Variants in CROT observed in about 807,000 individuals in gnomAD.
CROT encodes carnitine O-octanoyltransferase.
In CROT, 84 loss-of-function variants were observed where a neutral mutation model predicts 89.2. The observed-to-expected ratio is 0.94, with a 90% CI of 0.79 to 1.13. The LOEUF is 1.13. CROT is among the 50% of genes most tolerant of loss of function. CROT has a pLI of 0.00. For synonymous variants in CROT, 212 were observed against 239.5 expected, an observed-to-expected ratio of 0.89 and a Z score of 1.06; for missense variants, 711 against 727.8, an observed-to-expected ratio of 0.98 and a Z score of 0.27.
chr7:87,356,051 G>C (rs1806056630), intron 3 of CROT, among the ~76,000 whole-genome samples: 2 of 152,130 alleles, frequency 1.3e-5, no homozygotes, highest in Admixed American at 1.3e-4. Flanking sequence ...TGTAGTCACA[G>C]GTCACTGCAG....
chr7:87,347,949 TG>T (rs1405331884), intron 2 of CROT, among the ~76,000 whole-genome samples: 1 of 152,092 alleles, frequency 6.6e-6, no homozygotes, highest in African/African-American at 2.4e-5. Context: ...AAGATAAAAC[TG>T]GGGGCTGTAT....
chr7:87,363,654 G>A (rs6962588), intron 6 of CROT, among the ~76,000 whole-genome samples: 2,121 of 152,246 alleles, frequency 0.014, 47 homozygotes, highest in African/African-American at 0.048. Context: ...TTTGGCTTGC[G>A]TTTAAAATGT....
At chr7:87,375,749 C>A (rs374437685) in intron 8 of CROT, 24 bp downstream of exon 8, 1 of 1,611,840 alleles carries the variant, frequency 6.2e-7, no homozygotes, top group Admixed American at 1.7e-5. Flanking sequence ...CTTTTCTTAA[C>A]GAAGCTTTTC....
intron 6 of CROT, among the ~76,000 whole-genome samples, chr7:87,362,735 T>C (rs1374261749): frequency 1.3e-5 from 2 of 152,184 alleles, no homozygotes; most frequent in African/African-American, 4.8e-5. Context: ...AACTGTTTTT[T>C]TCACAGTTTA....
intron 13 of CROT, among the ~76,000 whole-genome samples, chr7:87,384,123 G>C (rs569999461): frequency 8.5e-5 from 13 of 152,250 alleles, no homozygotes; most frequent in African/African-American, 3.1e-4. Context: ...TTTTTAACTA[G>C]GGTGAGGTGA....
At chr7:87,351,260 G>A (rs930652743) in intron 3 of CROT, among the ~76,000 whole-genome samples, 6 of 132,618 alleles carry the variant, frequency 4.5e-5, no homozygotes, top group East Asian at 2.3e-4. Context: ...AGTGAGCCAC[G>A]ATTGTGCCAT....
intron 1 of CROT, among the ~76,000 whole-genome samples, 153 bp downstream of exon 1, chr7:87,345,920 G>A (rs80028401): frequency 0.016 from 2,420 of 152,290 alleles, 69 homozygotes; most frequent in African/African-American, 0.053. Flanking sequence ...GTACCCTCAA[G>A]GTTGGGCCGC....
intron 13 of CROT, among the ~76,000 whole-genome samples, chr7:87,386,071 A>ATT (rs1807173659): frequency 6.6e-6 from 1 of 152,078 alleles, no homozygotes; most frequent in Admixed American, 6.6e-5. Context: ...GTTTGCTAGT[A>ATT]TTTTGTTGAG....
intron 13 of CROT, 134 bp downstream of exon 13, chr7:87,382,677 TC>T: frequency 1.2e-6 from 1 of 815,992 alleles, no homozygotes; most frequent in Non-Finnish European, 1.9e-6. Context: ...TATTTGTACT[TC>T]CATCAATAGA....
intron 13 of CROT, among the ~76,000 whole-genome samples, chr7:87,383,323 A>G (rs761627183): frequency 1.3e-5 from 2 of 151,756 alleles, no homozygotes; most frequent in African/African-American, 2.4e-5. Context: ...CACGAGATCA[A>G]TTTTTTTTAA....
chr7:87,359,160 G>T, intron 3 of CROT, 46 bp from the exon 4 acceptor site: 3 of 1,255,924 alleles, frequency 2.4e-6, no homozygotes, highest in Non-Finnish European at 3.5e-6. Context: ...GAGGTGAGTT[G>T]GTGGTACTTG....
In CROT at chr7:87,349,545, G is replaced by GAATACATCA. The variant is rs143282974; in HGVS notation, c.115+365_115+373dup. Among the ~76,000 whole-genome samples the GAATACATCA allele has an allele frequency of 1.9e-3, 285 of 152,258 alleles. 9 individuals carry two copies. In the East Asian group the frequency reaches 0.046, roughly 25 times the overall value. On this transcript the variant is annotated intron_variant, in intron 3 of 17. Coordinates refer to ENST00000331536, the MANE Select transcript of CROT (RefSeq NM_021151.4). ...AACAATCCTTGACATTTTAGTGCAT[G>GAATACATCA]AATACATCAAAGAATTATGTTAATC...
chr7:87,356,730 T>C (rs1408208780), intron 3 of CROT, among the ~76,000 whole-genome samples: 1 of 152,080 alleles, frequency 6.6e-6, no homozygotes, highest in African/African-American at 2.4e-5. Context: ...GTTTAAGATA[T>C]AGCAAGAACA....
chr7:87,394,730 G>T (rs1807470381), intron 17 of CROT, among the ~76,000 whole-genome samples: 5 of 151,980 alleles, frequency 3.3e-5, no homozygotes, highest in Admixed American at 1.3e-4. Flanking sequence ...CATACCTATA[G>T]ACTCTACTAT....
intron 10 of CROT, among the ~76,000 whole-genome samples, chr7:87,381,094 C>A (rs558012956): frequency 2.0e-5 from 3 of 152,276 alleles, no homozygotes; most frequent in East Asian, 1.9e-4. Context: ...CACCTAATTA[C>A]TCCTCTGAAA....
Position 87,375,966 on chromosome 7 carries a change from C to CTT in CROT, c.876+14_876+15dup. On this transcript the variant is annotated intron_variant, in intron 9 of 17. Coordinates refer to ENST00000331536, the MANE Select transcript of CROT (RefSeq NM_021151.4). ...GGATTATTCTGAGGTACTTAACTAC[C>CTT]TTCTCTTTTTTTTTTTATTGCAGAT... is the stretch of plus-strand genomic sequence containing the variant. 6.9e-7 allele frequency: 1 copy of CTT among 1,457,942 alleles called. No individual in the cohort carries two copies. Among genetic ancestry groups the CTT allele is most frequent in the Non-Finnish European group, 9.1e-7 (1 of 1,103,916 alleles). 90.3% of individuals were successfully genotyped at this position (1,457,942 alleles called of 1,614,324 possible).
At chr7:87,349,312 AG>A in intron 3 of CROT, 129 bp downstream of exon 3, 2 of 465,916 alleles carry the variant, frequency 4.3e-6, no homozygotes, top group Non-Finnish European at 7.6e-6. Context: ...TCTTGCAGGA[AG>A]GAATTCAAGG....
In CROT at chr7:87,393,039, G is replaced by A; in HGVS notation, c.1690G>A (p.Gly564Arg). The A allele has an allele frequency of 6.2e-7, 1 of 1,613,384 alleles. No homozygotes were observed. The highest frequency in any genetic ancestry group is 1.1e-5 in the South Asian group (1 of 91,042). Reference sequence around the variant, plus strand: ...AGTTCCCATGGTACACAATGGTTATGGATTTTTCTACCATATCAGAGATGA... The same window carrying A: ...AGTTCCCATGGTACACAATGGTTATAGATTTTTCTACCATATCAGAGATGA... Reference protein sequence around the residue: ...VVVPMVHNGYGFFYHIRDDRF... With the variant: ...VVVPMVHNGYRFFYHIRDDRF... The change falls in exon 17 of 18, where the codon GGA becomes AGA. Residue 564 changes from glycine (G) to arginine (R), a missense_variant. Physicochemically the swap from Gly to Arg is moderately radical, Grantham distance 125 (BLOSUM62 -2). Transcript: ENST00000331536.
chr7:87,373,653 CAG>C (rs1348108947), intron 7 of CROT, among the ~76,000 whole-genome samples: 1 of 151,864 alleles, frequency 6.6e-6, no homozygotes, highest in East Asian at 1.9e-4. Context: ...ACTTTGGTAA[CAG>C]AGATTGAGAG....
Sources: gnomAD v4.1 joint callset for allele counts (sites outside exome capture counted in the v4.1 genomes callset) on GRCh38, gnomAD v4.1.1 for gene constraint, MANE v1.5 for transcripts, NCBI Gene and HGNC (gene_info 2026-07-23, HGNC 2026-07-21) for gene names.